The following FRMPD4 variants were observed in gnomAD, a reference collection of about 807,000 sequenced individuals.
FRMPD4 encodes FERM and PDZ domain-containing protein 4.
FRMPD4 carries 22 observed loss-of-function variants against 94.1 expected under a neutral mutation model. The observed-to-expected ratio is 0.23, with a 90% CI of 0.17 to 0.33. The LOEUF is 0.33. Ranked by LOEUF, FRMPD4 falls within the 10% of genes least tolerant of loss-of-function variation. The pLI is 1.00. For missense variants in FRMPD4, 1,111 were observed against 1,339.9 expected, an observed-to-expected ratio of 0.83 and a Z score of 2.67; for synonymous variants, 631 against 548.6, an observed-to-expected ratio of 1.15 and a Z score of -2.10.
chrX:12,379,100 T>G (rs2056282649), intron 1 of FRMPD4, among the ~76,000 whole-genome samples: 1 of 112,143 alleles, frequency 8.9e-6, no homozygotes, highest in East Asian at 2.8e-4. Context: ...ACCACATTCC[T>G]TAGGGGGCAA....
rs1400969054 is a variant in FRMPD4, at chrX:12,513,604, G to A, written c.158+14808G>A. Among the ~76,000 whole-genome samples, 6 of 112,079 alleles carry A rather than the reference G, an allele frequency of 5.4e-5. No individual in the cohort carries two copies. In the Admixed American group the frequency reaches 5.7e-4, roughly 11 times the overall value. ...TCCGTTTTTCTACCAGTACCATGCT[G>A]TTTTGGTTACCGTAGCCTTACAATA... On this transcript the variant is annotated intron_variant, in intron 2 of 16. Coordinates refer to ENST00000675598, the MANE Select transcript of FRMPD4 (RefSeq NM_001368397.1).
chrX:12,549,060 C>A (rs4830468), intron 2 of FRMPD4, among the ~76,000 whole-genome samples: 2 of 109,984 alleles, frequency 1.8e-5, no homozygotes, highest in Non-Finnish European at 3.8e-5. Flanking sequence ...CCTGTTCTCC[C>A]CTCTTTTCTC....
chrX:11,873,853 C>T, intron 2 of FRMPD4, among the ~76,000 whole-genome samples: 1 of 111,024 alleles, frequency 9.0e-6, no homozygotes, highest in African/African-American at 3.3e-5. Flanking sequence ...GCTACAGTTA[C>T]CAAAACTTAT....
chrX:12,340,126 G>C (rs2055589128), intron 1 of FRMPD4, among the ~76,000 whole-genome samples: 1 of 112,310 alleles, frequency 8.9e-6, no homozygotes, highest in South Asian at 3.7e-4. Context: ...CAAGGACTGG[G>C]TTCTCAGATT....
At position 12,225,846 on chromosome X, in the gene FRMPD4, T is replaced by C. The variant is rs1321583588; in HGVS notation, c.41+86834T>C. On this transcript the variant is annotated intron_variant, in intron 1 of 16. Coordinates refer to ENST00000675598, the MANE Select transcript of FRMPD4 (RefSeq NM_001368397.1). ...GTGTCAATAATGAGGGATAATATAA[T>C]TAAATAAGTGAAAGGAATAACAAAT... Among the ~76,000 whole-genome samples, 4 of 111,927 alleles carry C rather than the reference T, an allele frequency of 3.6e-5. No homozygotes were observed. In the East Asian group the frequency reaches 1.1e-3, roughly 32 times the overall value.
chrX:12,189,757 A>C (rs1290550757), intron 1 of FRMPD4, among the ~76,000 whole-genome samples: 1 of 111,726 alleles, frequency 9.0e-6, no homozygotes, highest in Non-Finnish European at 1.9e-5. Flanking sequence ...ATGCACATAA[A>C]AAACGTACAG....
At chrX:12,504,119 T>C (rs2057953496) in intron 2 of FRMPD4, among the ~76,000 whole-genome samples, 1 of 112,361 alleles carries the variant, frequency 8.9e-6, no homozygotes, top group Non-Finnish European at 1.9e-5. Flanking sequence ...ACACAAGTTG[T>C]TATCTTTTGT....
At chrX:12,089,415 A>G (rs1437014672) in intron 3 of FRMPD4, among the ~76,000 whole-genome samples, 2 of 112,110 alleles carry the variant, frequency 1.8e-5, no homozygotes, top group East Asian at 2.8e-4. Context: ...GATTCTATTG[A>G]TCTGTAGTCC....
At chrX:12,175,528 T>G (rs779275836) in intron 1 of FRMPD4, among the ~76,000 whole-genome samples, 1 of 112,018 alleles carries the variant, frequency 8.9e-6, no homozygotes, top group Non-Finnish European at 1.9e-5. Context: ...TTTTTGTTGT[T>G]GTCGTTGTTG....
intron 3 of FRMPD4, among the ~76,000 whole-genome samples, chrX:11,953,168 C>T (rs891917610): frequency 8.9e-6 from 1 of 111,858 alleles, no homozygotes; most frequent in Non-Finnish European, 1.9e-5. Flanking sequence ...TTTGACTTAC[C>T]CTCTCCTACC....
upstream of FRMPD4, among the ~76,000 whole-genome samples, chrX:12,137,942 T>C (rs1042742969): frequency 8.9e-6 from 1 of 112,033 alleles, no homozygotes; most frequent in Non-Finnish European, 1.9e-5. Flanking sequence ...AGAATTAGCC[T>C]CCGCATCACG....
chrX:12,403,943 T>C (rs1048029279), intron 1 of FRMPD4, among the ~76,000 whole-genome samples: 2 of 112,051 alleles, frequency 1.8e-5, no homozygotes, highest in African/African-American at 6.5e-5. Flanking sequence ...CTCAGCCTAA[T>C]ACTGTTTGTG....
chrX:12,634,798 T>C (rs2059427180), intron 4 of FRMPD4, among the ~76,000 whole-genome samples: 1 of 108,988 alleles, frequency 9.2e-6, no homozygotes, highest in South Asian at 4.0e-4. Context: ...CCCTATAGTT[T>C]TCTTTTCTCT....
chrX:12,688,745 C>CTTTT (rs371548205), intron 7 of FRMPD4, among the ~76,000 whole-genome samples: 1 of 92,040 alleles, frequency 1.1e-5, no homozygotes, highest in Non-Finnish European at 2.1e-5. Flanking sequence ...GCAGGGAAAT[C>CTTTT]TTTTTTTTTT....
chrX:12,231,018 A>T (rs1472362997), intron 1 of FRMPD4, among the ~76,000 whole-genome samples: 1 of 46,064 alleles, frequency 2.2e-5, no homozygotes, highest in Non-Finnish European at 4.0e-5. Context: ...TAGTATATAT[A>T]GTATATATAT....
At chrX:12,413,150 G>A (rs1328863203) in intron 1 of FRMPD4, among the ~76,000 whole-genome samples, 1 of 111,561 alleles carries the variant, frequency 9.0e-6, no homozygotes, top group Non-Finnish European at 1.9e-5. Flanking sequence ...TTTAAAGCCG[G>A]TATGCTTTTG....
chrX:12,467,065 G>A (rs2057457129), intron 1 of FRMPD4, among the ~76,000 whole-genome samples: 1 of 110,871 alleles, frequency 9.0e-6, no homozygotes, highest in Non-Finnish European at 1.9e-5. Flanking sequence ...ATGAGTGCAT[G>A]CTTGCTTGCT....
In FRMPD4 at chrX:12,701,934, C is replaced by T; in HGVS notation, c.994C>T (p.Arg332Trp). ...GGAGCTGAAATATGACATAGCCCTG[C>T]GGCTGGCCGCATTACAAATGTACAT... ...GPELKYDIALRLAALQMYIAT... is the reference protein window; with the variant it reads ...GPELKYDIALWLAALQMYIAT... Residue 332 changes from arginine to tryptophan, a missense_variant, in exon 10 of 17, where the codon CGG (arginine) becomes TGG (tryptophan). By Grantham distance (101) the Arg-to-Trp change is moderately radical. Around this residue, in one of 8 missense-constraint regions of FRMPD4, gnomAD observed 111 missense variants for 160.7 expected, o/e 0.69. Transcript: ENST00000675598. The T allele has an allele frequency of 8.3e-7, 1 of 1,209,200 alleles. No individual in the cohort carries two copies. Among genetic ancestry groups the T allele is most frequent in the Non-Finnish European group, 1.1e-6 (1 of 892,608 alleles).
chrX:11,966,941 CTT>C (rs1379587779), intron 3 of FRMPD4, among the ~76,000 whole-genome samples: 3 of 111,839 alleles, frequency 2.7e-5, no homozygotes, highest in Non-Finnish European at 3.8e-5. Flanking sequence ...GGAGGATTCT[CTT>C]TGAATTATGC....
Sources: gnomAD v4.1 joint callset for allele counts (sites outside exome capture counted in the v4.1 genomes callset) on GRCh38, gnomAD v4.1.1 for gene constraint, gnomAD v4.1.1 regional missense constraint, MANE v1.5 for transcripts, NCBI Gene and HGNC (gene_info 2026-07-23, HGNC 2026-07-21) for gene names.